The following PUS7 variants were observed in gnomAD, a reference collection of about 807,000 sequenced individuals.
PUS7 encodes pseudouridylate synthase 7 homolog.
A neutral mutation model predicts 79.8 loss-of-function variants in PUS7; 48 were observed. That is an observed-to-expected ratio of 0.60 (90% CI 0.48 to 0.76). The LOEUF (loss-of-function observed/expected upper bound fraction) is 0.76, where lower values mean the gene tolerates loss of function less well. Among genes scored for constraint, PUS7 ranks in the 30% least tolerant of loss-of-function variants. The pLI is 0.00. For missense variants in PUS7, 729 were observed against 797.6 expected, an observed-to-expected ratio of 0.91 and a Z score of 1.04; for synonymous variants, 286 against 272.2, an observed-to-expected ratio of 1.05 and a Z score of -0.50.
chr7:105,512,677 G>T (rs943469711), intron 1 of PUS7, among the ~76,000 whole-genome samples: 1 of 152,146 alleles, frequency 6.6e-6, no homozygotes. Flanking sequence ...GGGAGGGGCG[G>T]AGGCCACATG....
rs148357329 is a variant in PUS7 at position 105,515,074 on chromosome 7, G to A, written c.-32-6530C>T. 2.5e-4 allele frequency among the ~76,000 whole-genome samples: 38 copies of A among 152,252 alleles called. No individual in the cohort carries two copies. In the East Asian group the frequency reaches 5.0e-3, roughly 20 times the overall value. On this transcript the variant is annotated intron_variant, in intron 1 of 15. Coordinates refer to ENST00000469408, the MANE Select transcript of PUS7 (RefSeq NM_019042.5). ...CTCCCAAAGTGCTGGGATTACAGGC[G>A]TGAGCCACCGCGCCTGGCCTACAAT...
intron 11 of PUS7, 167 bp downstream of exon 11, chr7:105,470,521 C>T: frequency 1.5e-6 from 1 of 648,738 alleles, no homozygotes; most frequent in Non-Finnish European, 2.3e-6. Flanking sequence ...CCCAACATCA[C>T]CACTCAGGGT....
rs914853808 is a variant in PUS7 at position 105,491,632 on chromosome 7, A to G, written c.843-15T>C. On this transcript the variant is annotated splice_polypyrimidine_tract_variant and intron_variant, in intron 6 of 15. Coordinates refer to ENST00000469408, the MANE Select transcript of PUS7 (RefSeq NM_019042.5). ...TTGGCTTGACTCTGGTAAGAGAGAAACAAGATCATCTGAAGTCACATACTG... is the reference window on the plus strand; with the variant it reads ...TTGGCTTGACTCTGGTAAGAGAGAAGCAAGATCATCTGAAGTCACATACTG... 3 of 1,469,378 alleles carry G rather than the reference A, an allele frequency of 2.0e-6. No individual in the cohort carries two copies. The highest frequency in any genetic ancestry group is 1.7e-4 in the Middle Eastern group (1 of 5,776). The allele number at this position is 1,469,378 out of a possible 1,614,324, so 91.0% of individuals were successfully genotyped here.
intron 9 of PUS7, among the ~76,000 whole-genome samples, chr7:105,473,206 T>C (rs529666017): frequency 6.6e-6 from 1 of 152,286 alleles, no homozygotes; most frequent in Non-Finnish European, 1.5e-5. Flanking sequence ...CTTGTCAAAA[T>C]GAAAATATCT....
chr7:105,484,505 T>C (rs945907138), intron 7 of PUS7, among the ~76,000 whole-genome samples: 10 of 41,952 alleles, frequency 2.4e-4, no homozygotes, highest in African/African-American at 5.3e-4. Context: ...TGAATCTTTT[T>C]TTCTTAAAAA....
intron 13 of PUS7, among the ~76,000 whole-genome samples, chr7:105,464,965 T>C (rs1823578917): frequency 6.6e-6 from 1 of 151,986 alleles, no homozygotes; most frequent in African/African-American, 2.4e-5. Context: ...ACCACAGGTG[T>C]GCACTACCAG....
intron 10 of PUS7, among the ~76,000 whole-genome samples, chr7:105,471,649 A>G (rs962055212): frequency 2.0e-5 from 3 of 152,176 alleles, no homozygotes; most frequent in African/African-American, 7.2e-5. Context: ...ATGGTGGCTC[A>G]TGCCTGTAAT....
intron 1 of PUS7, among the ~76,000 whole-genome samples, chr7:105,510,639 G>C (rs920055427): frequency 6.6e-6 from 1 of 151,504 alleles, no homozygotes; most frequent in Non-Finnish European, 1.5e-5. Flanking sequence ...TCAGCCTCCC[G>C]GGTGGCTGGG....
chr7:105,473,630 A>T (rs1263262994), intron 9 of PUS7, among the ~76,000 whole-genome samples: 4 of 151,652 alleles, frequency 2.6e-5, no homozygotes, highest in African/African-American at 9.7e-5. Flanking sequence ...TGTTGGCCAG[A>T]CTGGTCTTGA....
intron 11 of PUS7, 148 bp from the exon 12 acceptor site, chr7:105,468,611 G>C: frequency 1.6e-6 from 1 of 621,852 alleles, no homozygotes; most frequent in Non-Finnish European, 2.6e-6. Context: ...TCCACCTCCC[G>C]GGTTCAAGCA....
At chr7:105,466,196 C>T (rs192958375) in intron 12 of PUS7, among the ~76,000 whole-genome samples, 202 of 151,804 alleles carry the variant, frequency 1.3e-3, no homozygotes, top group Non-Finnish European at 2.3e-3. Context: ...GGATATATAT[C>T]CTTCTGTCTT....
chr7:105,491,715 C>A, intron 6 of PUS7, 98 bp from the exon 7 acceptor site: 6 of 700,320 alleles, frequency 8.6e-6, no homozygotes, highest in South Asian at 7.5e-5. Context: ...AACATACTTA[C>A]AATCATAACA....
At chr7:105,478,777 C>T (rs1036297431) in intron 9 of PUS7, among the ~76,000 whole-genome samples, 7 of 152,116 alleles carry the variant, frequency 4.6e-5, no homozygotes, top group African/African-American at 9.7e-5. Context: ...GTTAACAGTG[C>T]GTTTCCTTGA....
intron 2 of PUS7, 117 bp downstream of exon 2, chr7:105,507,998 C>CAGT: frequency 1.5e-6 from 2 of 1,320,338 alleles, no homozygotes; most frequent in East Asian, 2.6e-5. Context: ...TCCTTTTGAT[C>CAGT]AGTAGTATAA....
rs772491909 is a variant in PUS7 at position 105,485,936 on chromosome 7, C to T, written c.921-3496G>A. Among the ~76,000 whole-genome samples, 3 of 152,034 alleles carry T rather than the reference C, an allele frequency of 2.0e-5. No homozygotes were observed. The South Asian group carries it at 6.2e-4, about 32-fold the overall frequency. On this transcript the variant is annotated intron_variant, in intron 7 of 15. Coordinates refer to ENST00000469408, the MANE Select transcript of PUS7 (RefSeq NM_019042.5). ...TAGCCTCCTGAGAAGCTGGGACTAC[C>T]GGCATGCACCACCATGCCTGCCCAC...
Position 105,457,757 on chromosome 7 carries a change from T to C in PUS7, c.*33A>G, listed in dbSNP as rs912901485. ...CAGGGAGCCAGGAAGCAAACACTTG[T>C]GTACGTTTTCTAATCTGTGGACAAG... On this transcript the variant is annotated 3_prime_UTR_variant, in exon 16 of 16. Coordinates refer to ENST00000469408, the MANE Select transcript of PUS7 (RefSeq NM_019042.5). 1 of 1,606,890 alleles carries C rather than the reference T, an allele frequency of 6.2e-7. No homozygotes were observed.
chr7:105,490,925 C>T (rs1192799315), intron 7 of PUS7, among the ~76,000 whole-genome samples: 2 of 152,164 alleles, frequency 1.3e-5, no homozygotes, highest in Non-Finnish European at 1.5e-5. Flanking sequence ...ACTAGGGATG[C>T]TGCAAAACAT....
rs546289067 is a variant in PUS7 at position 105,481,499 on chromosome 7, G to A, written c.1050-322C>T. 2.0e-5 allele frequency among the ~76,000 whole-genome samples: 3 copies of A among 152,228 alleles called. No individual in the cohort carries two copies. In the South Asian group the frequency reaches 6.2e-4, roughly 32 times the overall value. On this transcript the variant is annotated intron_variant, in intron 8 of 15. Transcript: ENST00000469408. Reference sequence around the variant, plus strand: ...TATAAATAATTCCTACATGCTTAGTGTTCCAATAATGGAACACTAGCATAA... The same window carrying A: ...TATAAATAATTCCTACATGCTTAGTATTCCAATAATGGAACACTAGCATAA...
At chr7:105,463,089 A>T (rs370924694) in intron 13 of PUS7, among the ~76,000 whole-genome samples, 1 of 152,234 alleles carries the variant, frequency 6.6e-6, no homozygotes, top group Non-Finnish European at 1.5e-5. Flanking sequence ...GGAAGACAGC[A>T]TATACAGAGG....
Sources: gnomAD v4.1 joint callset for allele counts (sites outside exome capture counted in the v4.1 genomes callset) on GRCh38, gnomAD v4.1.1 for gene constraint, MANE v1.5 for transcripts, NCBI Gene and HGNC (gene_info 2026-07-23, HGNC 2026-07-21) for gene names.